The following TRAPPC8 variants were observed in gnomAD, a reference collection of about 807,000 sequenced individuals.
The protein encoded by TRAPPC8 is general sporulation gene 1 homolog.
In TRAPPC8, 54 loss-of-function variants were observed where a neutral mutation model predicts 174.3. The observed-to-expected ratio is 0.31, with a 90% CI of 0.25 to 0.39. TRAPPC8 has a LOEUF of 0.39. Ranked by LOEUF, TRAPPC8 falls within the 10% of genes least tolerant of loss-of-function variation. The pLI, the probability that TRAPPC8 is intolerant of heterozygous loss-of-function variation, is 1.00. For synonymous variants in TRAPPC8, 630 were observed against 579.9 expected (o/e 1.09, Z -1.24); for missense variants, 1,531 against 1,699.1 (o/e 0.90, Z 1.74).
At chr18:31,908,181 T>C in intron 8 of TRAPPC8, 122 bp downstream of exon 8, 1 of 522,220 alleles carries the variant, frequency 1.9e-6, no homozygotes. Flanking sequence ...CTTATCCACC[T>C]GAATTTTCAC....
chr18:31,890,941 T>A, intron 11 of TRAPPC8, 75 bp from the exon 12 acceptor site: 1 of 1,414,794 alleles, frequency 7.1e-7, no homozygotes, highest in Non-Finnish European at 9.5e-7. Flanking sequence ...GAAAAAAACA[T>A]TTAATTTCTT....
intron 26 of TRAPPC8, among the ~76,000 whole-genome samples, chr18:31,844,780 C>T (rs977840894): frequency 7.9e-5 from 12 of 151,492 alleles, no homozygotes; most frequent in Non-Finnish European, 1.8e-4. Context: ...CTCAAATTAT[C>T]TCCGCACAAA....
intron 20 of TRAPPC8, 24 bp from the exon 21 acceptor site, chr18:31,855,831 A>G (rs760883215): frequency 8.7e-6 from 13 of 1,491,098 alleles, no homozygotes; most frequent in Non-Finnish European, 1.0e-5. Context: ...AAAAAAAAAA[A>G]GCACATTTAA....
intron 27 of TRAPPC8, among the ~76,000 whole-genome samples, chr18:31,837,051 C>T (rs538385126): frequency 4.5e-4 from 68 of 152,118 alleles, no homozygotes; most frequent in Admixed American, 1.8e-3. Context: ...CGTGAGCCAC[C>T]GCGCCCGGCC....
At chr18:31,921,934 T>C (rs1287634467) in intron 2 of TRAPPC8, among the ~76,000 whole-genome samples, 1 of 152,206 alleles carries the variant, frequency 6.6e-6, no homozygotes, top group Non-Finnish European at 1.5e-5. Flanking sequence ...TTCCCCCTAA[T>C]TATGCAAAAG....
chr18:31,863,577 G>T (rs1474459154), intron 19 of TRAPPC8, among the ~76,000 whole-genome samples: 1 of 152,188 alleles, frequency 6.6e-6, no homozygotes, highest in Non-Finnish European at 1.5e-5. Flanking sequence ...AAAACGTGTA[G>T]TATGATTGCA....
At chr18:31,934,175 C>T (rs968567646) in intron 1 of TRAPPC8, among the ~76,000 whole-genome samples, 37 of 150,698 alleles carry the variant, frequency 2.5e-4, no homozygotes, top group African/African-American at 8.5e-4. Flanking sequence ...GCGACAGAGA[C>T]TCCCTTTCAA....
At chr18:31,937,202 G>C (rs537817434) in intron 1 of TRAPPC8, among the ~76,000 whole-genome samples, 1 of 152,286 alleles carries the variant, frequency 6.6e-6, no homozygotes, top group Admixed American at 6.5e-5. Flanking sequence ...GACAGAGCGA[G>C]ACTCCGTCTC....
Position 31,853,849 on chromosome 18 carries a change from CT to C in TRAPPC8, c.3432del (p.Asp1145IlefsTer17). 1 of 1,600,562 alleles carries C rather than the reference CT, an allele frequency of 6.2e-7. No individual in the cohort carries two copies. On this transcript the variant is annotated frameshift_variant and splice_region_variant, in exon 22 of 29. Transcript: ENST00000283351. LOFTEE classifies it high-confidence loss of function. ...TATGTAGCAGGAAAAACAAACAAAC[CT>C]TTGTTTTCAGAAAGATTTACAGATT... ...LQKSVNLSENKDTKLASREKG... is the reference protein window; with the variant it reads ...LQKSVNLSENXDTKLASREKG...
At chr18:31,891,151 A>G (rs1001096211) in intron 11 of TRAPPC8, 6 of 167,794 alleles carry the variant, frequency 3.6e-5, no homozygotes, top group Admixed American at 6.3e-5. Flanking sequence ...AATAATTGCA[A>G]TCCTTTCTCA....
At chr18:31,897,734 T>TAA in intron 11 of TRAPPC8, 52 bp downstream of exon 11, 8 of 1,185,112 alleles carry the variant, frequency 6.8e-6, no homozygotes, top group Admixed American at 3.0e-5. Flanking sequence ...TACATCTTTT[T>TAA]AAAAAAAAAA....
chr18:31,927,475 T>G (rs2037665689), intron 2 of TRAPPC8, among the ~76,000 whole-genome samples: 1 of 152,160 alleles, frequency 6.6e-6, no homozygotes, highest in Non-Finnish European at 1.5e-5. Flanking sequence ...CAGGCTGGTC[T>G]GGAATTCCTG....
intron 12 of TRAPPC8, among the ~76,000 whole-genome samples, chr18:31,878,556 CG>C (rs1436180456): frequency 6.6e-6 from 1 of 152,078 alleles, no homozygotes; most frequent in Non-Finnish European, 1.5e-5. Flanking sequence ...TAAAGATACA[CG>C]TAAGTACAAA....
rs183858388 is a variant in TRAPPC8 at position 31,892,180 on chromosome 18, T to C, written c.1597-1314A>G. On this transcript the variant is annotated intron_variant, in intron 11 of 28. Coordinates refer to ENST00000283351, the MANE Select transcript of TRAPPC8 (RefSeq NM_014939.5). The stretch of plus-strand genomic sequence containing the variant: ...ATGTTTGAAGAAAAAAGTGAACATC[T>C]TTCCTAGCCCATGCTTCATGTCATT... Among the ~76,000 whole-genome samples the C allele has an allele frequency of 2.1e-4, 32 of 152,362 alleles. No homozygotes were observed. In the East Asian group the frequency reaches 5.2e-3, roughly 25 times the overall value.
chr18:31,922,598 C>T (rs955500517), intron 2 of TRAPPC8, among the ~76,000 whole-genome samples: 7 of 151,818 alleles, frequency 4.6e-5, no homozygotes, highest in East Asian at 1.9e-4. Context: ...TGTCTCAAAA[C>T]GAACAAACAA....
At position 31,874,586 on chromosome 18, in the gene TRAPPC8, T is replaced by A. The variant is rs777489303; in HGVS notation, c.1847A>T (p.Gln616Leu). 1.9e-6 allele frequency: 3 copies of A among 1,614,166 alleles called. No individual in the cohort carries two copies. The highest frequency in any genetic ancestry group is 1.7e-6 in the Non-Finnish European group (2 of 1,180,010). ...TIGRQSYTLRQLDNAVSAFRH... is the reference protein window; with the variant it reads ...TIGRQSYTLRLLDNAVSAFRH... Reference sequence around the variant, plus strand: ...AAAAGCAGACACAGCATTATCCAGCTGTCTAAGAGTATAGGACTGGCGCCC... The same window carrying A: ...AAAAGCAGACACAGCATTATCCAGCAGTCTAAGAGTATAGGACTGGCGCCC... Residue 616 changes from glutamine (Q) to leucine (L), a missense_variant, in exon 13 of 29, where the codon CAG (glutamine) becomes CTG (leucine). Physicochemically the swap from Gln to Leu is moderately radical, Grantham distance 113. Coordinates refer to ENST00000283351, the MANE Select transcript of TRAPPC8 (RefSeq NM_014939.5).
intron 12 of TRAPPC8, among the ~76,000 whole-genome samples, chr18:31,882,626 AT>A (rs2035509541): frequency 2.6e-5 from 4 of 151,552 alleles, no homozygotes; most frequent in Admixed American, 2.6e-4. Context: ...TTTTATTTTT[AT>A]TTTTTTCGAG....
chr18:31,937,058 C>A (rs772529138), intron 1 of TRAPPC8, among the ~76,000 whole-genome samples: 126 of 150,526 alleles, frequency 8.4e-4, no homozygotes, highest in Non-Finnish European at 1.7e-3. Context: ...TAAAAAAACA[C>A]AAAAAATTAG....
rs2033440188 is a variant in TRAPPC8 at position 31,846,903 on chromosome 18, TAA to T, written c.3736-88_3736-87del. On this transcript the variant is annotated intron_variant, in intron 25 of 28. Coordinates refer to ENST00000283351, the MANE Select transcript of TRAPPC8 (RefSeq NM_014939.5). ...CCCAATACTTGATAGAAAGTGGAAA[TAA>T]TATGGCCAATATCTATCAATTATTG... The T allele has an allele frequency of 9.2e-6, 8 of 868,968 alleles. No individual in the cohort carries two copies. In the East Asian group the frequency reaches 2.0e-4, roughly 22 times the overall value. 53.8% of individuals were successfully genotyped at this position (868,968 alleles called of 1,614,324 possible). A position where few individuals can be genotyped will look rare whatever the true frequency, so the allele number is the denominator to read the frequency against.
Sources: allele counts gnomAD v4.1 joint callset (sites outside exome capture counted in the v4.1 genomes callset), GRCh38; gene constraint gnomAD v4.1.1; transcripts MANE v1.5; gene names NCBI Gene and HGNC (gene_info 2026-07-23, HGNC 2026-07-21).